Variants in UHRF2 observed in about 807,000 individuals in gnomAD.
The protein encoded by UHRF2 is E3 ubiquitin-protein ligase UHRF2.
UHRF2 carries 23 observed loss-of-function variants against 96.8 expected under a neutral mutation model. The observed-to-expected ratio is 0.24, with a 90% confidence interval of 0.17 to 0.34. UHRF2 has a LOEUF of 0.34. Among genes scored for constraint, UHRF2 ranks in the 10% least tolerant of loss-of-function variants. The probability of loss-of-function intolerance (pLI) is 1.00; values close to 1 mark genes in which losing one functional copy is unlikely to be tolerated. For synonymous variants in UHRF2, 385 were observed against 332.6 expected (o/e 1.16, Z -1.72); for missense variants, 685 against 981.5 (o/e 0.70, Z 4.04).
intron 3 of UHRF2, among the ~76,000 whole-genome samples, chr9:6,458,643 C>A (rs1233813082): frequency 1.3e-5 from 2 of 152,102 alleles, no homozygotes; most frequent in Non-Finnish European, 2.9e-5. Context: ...ATTAGTTCAA[C>A]CATTGTGGAA....
chr9:6,418,033 G>GT lies in UHRF2; in HGVS notation c.154-2871dup, dbSNP rs566238215. 8.3e-3 allele frequency among the ~76,000 whole-genome samples: 1,263 copies of GT among 152,096 alleles called. 18 individuals are homozygous for GT. The highest frequency in any genetic ancestry group is 0.029 in the African/African-American group (1,185 of 41,470). On this transcript the variant is annotated intron_variant, in intron 1 of 15. Coordinates refer to ENST00000276893, the MANE Select transcript of UHRF2 (RefSeq NM_152896.3). ...TTAATTTGCATGTTTTATACTGTTAGTTTTTTTTAATTATCTTTAAGCACT... is the reference window on the plus strand; with the variant it reads ...TTAATTTGCATGTTTTATACTGTTAGTTTTTTTTTAATTATCTTTAAGCACT...
intron 4 of UHRF2, among the ~76,000 whole-genome samples, chr9:6,467,072 A>C (rs1052607311): frequency 6.6e-6 from 1 of 152,256 alleles, no homozygotes; most frequent in Non-Finnish European, 1.5e-5. Flanking sequence ...ACAATAAAGC[A>C]TAGTACAGTT....
chr9:6,439,332 C>T (rs747438994), intron 3 of UHRF2, among the ~76,000 whole-genome samples: 1 of 152,156 alleles, frequency 6.6e-6, no homozygotes, highest in African/African-American at 2.4e-5. Flanking sequence ...TGCACCACCA[C>T]GCCCGGCTAA....
At position 6,486,945 on chromosome 9, in the gene UHRF2, T is replaced by G. The variant is rs1257405535; in HGVS notation, c.1497+20T>G. The G allele has an allele frequency of 6.2e-7, 1 of 1,606,536 alleles. No individual in the cohort carries two copies. Among genetic ancestry groups the G allele is most frequent in the Admixed American group, 1.7e-5 (1 of 59,902 alleles). ...GAAGTCGTAAGTCATTATACAACCT[T>G]ACTCATTAGTACCTGCCTTGACCAT... On this transcript the variant is annotated intron_variant, in intron 9 of 15. Coordinates refer to ENST00000276893, the MANE Select transcript of UHRF2 (RefSeq NM_152896.3).
chr9:6,466,285 C>A (rs569866), intron 4 of UHRF2, among the ~76,000 whole-genome samples: 103,407 of 151,846 alleles, frequency 0.68, 37,293 homozygotes, highest in South Asian at 0.81. Flanking sequence ...CGCCTGTAAT[C>A]CCAGCACTTT....
At position 6,434,444 on chromosome 9, in the gene UHRF2, G is replaced by A. The variant is rs569198620; in HGVS notation, c.644+271G>A. ...TTCTGTTTGTCTTTTTCTCTATTAG[G>A]TGGGCTTTTTTTGAGATGGTCTCTC... On this transcript the variant is annotated intron_variant, in intron 3 of 15. Transcript: ENST00000276893. The A allele has an allele frequency of 1.0e-3, 226 of 221,734 alleles. 2 individuals carry two copies. Among genetic ancestry groups the A allele is most frequent in the East Asian group, 3.8e-3 (49 of 12,868 alleles). 13.7% of individuals were successfully genotyped at this position (221,734 alleles called of 1,614,324 possible). A position where few individuals can be genotyped will look rare whatever the true frequency, so the allele number is the denominator to read the frequency against.
At chr9:6,438,448 C>T (rs1323326747) in intron 3 of UHRF2, among the ~76,000 whole-genome samples, 2 of 152,212 alleles carry the variant, frequency 1.3e-5, no homozygotes, top group East Asian at 1.9e-4. Flanking sequence ...GCTTTAAGTG[C>T]TTATAGGTTA....
chr9:6,469,233 A>T (rs1439753919), intron 4 of UHRF2, among the ~76,000 whole-genome samples: 2 of 152,194 alleles, frequency 1.3e-5, no homozygotes, highest in African/African-American at 4.8e-5. Context: ...TTAATAACAA[A>T]TAAGGGCCAG....
At chr9:6,482,236 G>A (rs1303605176) in intron 8 of UHRF2, 137 bp downstream of exon 8, 7 of 720,476 alleles carry the variant, frequency 9.7e-6, no homozygotes, top group Non-Finnish European at 1.4e-5. Context: ...TAGGATGGGT[G>A]TACTCTTCCT....
intron 3 of UHRF2, among the ~76,000 whole-genome samples, chr9:6,457,635 C>T (rs1258475421): frequency 6.6e-6 from 1 of 152,136 alleles, no homozygotes; most frequent in Non-Finnish European, 1.5e-5. Context: ...ATGATATTGG[C>T]TATGGGTTTG....
At chr9:6,419,911 T>TA (rs1189801928) in intron 1 of UHRF2, among the ~76,000 whole-genome samples, 3 of 152,062 alleles carry the variant, frequency 2.0e-5, no homozygotes, top group African/African-American at 7.2e-5. Flanking sequence ...GGCTACGTTT[T>TA]TTTATTTATT....
intron 1 of UHRF2, among the ~76,000 whole-genome samples, chr9:6,417,251 C>T (rs1289137541): frequency 6.6e-6 from 1 of 152,092 alleles, no homozygotes; most frequent in Non-Finnish European, 1.5e-5. Context: ...TCTTTCAACT[C>T]AGTAAAATTT....
intron 3 of UHRF2, among the ~76,000 whole-genome samples, chr9:6,459,171 CA>C (rs1485768276): frequency 1.3e-5 from 2 of 152,080 alleles, no homozygotes; most frequent in African/African-American, 4.8e-5. Context: ...ACCTAAGTAA[CA>C]AACCTGCACT....
intron 3 of UHRF2, among the ~76,000 whole-genome samples, chr9:6,440,099 C>G (rs1234792295): frequency 6.6e-6 from 1 of 152,026 alleles, no homozygotes; most frequent in Non-Finnish European, 1.5e-5. Context: ...TTTAAGGGCC[C>G]TAAACATCTA....
intron 14 of UHRF2, among the ~76,000 whole-genome samples, chr9:6,502,242 C>T (rs1816328868): frequency 6.6e-6 from 1 of 152,194 alleles, no homozygotes; most frequent in Admixed American, 6.5e-5. Context: ...AACTGGTACT[C>T]TTGTGCCCAG....
chr9:6,506,347 C>G lies in UHRF2; in HGVS notation c.*168C>G. 1 of 796,668 alleles carries G rather than the reference C, an allele frequency of 1.3e-6. No individual in the cohort carries two copies. The highest frequency in any genetic ancestry group is 1.9e-6 in the Non-Finnish European group (1 of 533,950). The allele number at this position is 796,668 out of a possible 1,614,324, so 49.3% of individuals were successfully genotyped here. On this transcript the variant is annotated 3_prime_UTR_variant, in exon 16 of 16. Transcript: ENST00000276893. ...TGTGTGTGTAGTAAGAGGCCCATTTCTCAACTGTCTTTTAAATATCTAAAG... is the reference window on the plus strand; with the variant it reads ...TGTGTGTGTAGTAAGAGGCCCATTTGTCAACTGTCTTTTAAATATCTAAAG...
chr9:6,416,664 C>G (rs923560373), intron 1 of UHRF2, among the ~76,000 whole-genome samples: 1 of 151,664 alleles, frequency 6.6e-6, no homozygotes, highest in African/African-American at 2.4e-5. Context: ...CTCAGCCTCC[C>G]GAGTAGCTGG....
intron 1 of UHRF2, chr9:6,413,878 G>A (rs1348742580): frequency 2.4e-6 from 1 of 422,654 alleles, no homozygotes; most frequent in Admixed American, 4.6e-5. Context: ...AAGTGAGGGC[G>A]TCCGGAGCGC....
At chr9:6,460,278 A>G (rs1437908634) in intron 3 of UHRF2, among the ~76,000 whole-genome samples, 1 of 152,198 alleles carries the variant, frequency 6.6e-6, no homozygotes, top group Admixed American at 6.5e-5. Flanking sequence ...TGGTTCTTGA[A>G]TGCGGGCTGA....
Sources: allele counts gnomAD v4.1 joint callset (sites outside exome capture counted in the v4.1 genomes callset), GRCh38; gene constraint gnomAD v4.1.1; transcripts MANE v1.5; gene names NCBI Gene and HGNC (gene_info 2026-07-23, HGNC 2026-07-21).